Variants in RIF1 observed in about 807,000 individuals in gnomAD.
RIF1 encodes telomere-associated protein RIF1.
In RIF1, 45 loss-of-function variants were observed where a neutral mutation model predicts 247.1. The ratio of observed to expected loss-of-function variants is 0.18; its 90% CI spans 0.14 to 0.23. The LOEUF is 0.23. RIF1 is among the 10% of genes least tolerant of loss of function. The pLI is 1.00. For missense variants in RIF1, 2,967 were observed against 2,862.5 expected, an observed-to-expected ratio of 1.04 and a Z score of -0.83; for synonymous variants, 1,087 against 978.8, an observed-to-expected ratio of 1.11 and a Z score of -2.06.
the RIF1 span, chr2:151,518,347 G>C: frequency 1.2e-6 from 2 of 1,610,738 alleles, no homozygotes; most frequent in Non-Finnish European, 1.7e-6. Flanking sequence ...GCCTCTTTTA[G>C]GTGAAGCTGC....
chr2:151,434,366 TTAGATA>T lies in RIF1; in HGVS notation c.1078-1094_1078-1089del, dbSNP rs141680783. ...AGGATTTGCATATCCTTACTGGCAT[TTAGATA>T]TAAAGTTTAATCTTAACCTAAACCT... On this transcript the variant is annotated intron_variant, in intron 10 of 35. Coordinates refer to ENST00000444746, the MANE Select transcript of RIF1 (RefSeq NM_018151.5). Among the ~76,000 whole-genome samples the T allele has an allele frequency of 3.1e-3, 466 of 152,210 alleles. 2 individuals carry two copies. The highest frequency in any genetic ancestry group is 1.0e-2 in the African/African-American group (414 of 41,532).
rs781522067 is a variant in RIF1 at position 151,501,480 on chromosome 2, A to G, written c.*710-1554A>G. On this transcript the variant is annotated intron_variant and NMD_transcript_variant, in intron 11 of 13. Transcript: ENST00000454583. The stretch of plus-strand genomic sequence containing the variant: ...CCCTTGCTCAAGTTCTCTTTGTACA[A>G]TATCTGTGTGCACAAAACCAACAAA... 13 of 1,486,062 alleles carry G rather than the reference A, an allele frequency of 8.7e-6. No individual in the cohort carries two copies. The South Asian group carries it at 1.5e-4, about 17-fold the overall frequency. The allele number at this position is 1,486,062 out of a possible 1,614,324, so 92.1% of individuals were successfully genotyped here.
intron 9 of RIF1, among the ~76,000 whole-genome samples, chr2:151,430,276 C>G (rs1398262567): frequency 6.6e-6 from 1 of 152,070 alleles, no homozygotes; most frequent in Non-Finnish European, 1.5e-5. Flanking sequence ...CCGCCTCAGC[C>G]TCCCAAAGTG....
the RIF1 span, among the ~76,000 whole-genome samples, chr2:151,529,941 A>C: frequency 6.6e-6 from 1 of 152,178 alleles, no homozygotes; most frequent in Non-Finnish European, 1.5e-5. Flanking sequence ...ACATCTTGAT[A>C]ACTGCTGATG....
At chr2:151,439,526 T>G (rs185269608) in intron 14 of RIF1, among the ~76,000 whole-genome samples, 75 of 151,290 alleles carry the variant, frequency 5.0e-4, no homozygotes, top group Admixed American at 1.4e-3. Context: ...TAGCCAGACA[T>G]GGTGGTGCAT....
intron 18 of RIF1, among the ~76,000 whole-genome samples, chr2:151,444,615 C>T (rs577956949): frequency 4.6e-5 from 7 of 152,166 alleles, no homozygotes; most frequent in Non-Finnish European, 4.4e-5. Flanking sequence ...TTATAGTTAA[C>T]GTAGCCCTTG....
chr2:151,524,495 C>A, the RIF1 span: 2 of 1,613,506 alleles, frequency 1.2e-6, no homozygotes, highest in Non-Finnish European at 1.7e-6. Flanking sequence ...GGACTGGGGA[C>A]ATTTTCATGA....
chr2:151,410,606 A>T, intron 2 of RIF1, 79 bp downstream of exon 2: 1 of 1,142,710 alleles, frequency 8.8e-7, no homozygotes, highest in South Asian at 1.3e-5. Flanking sequence ...AGGGGCGCGT[A>T]GAATGAATGT....
At position 151,464,892 on chromosome 2, in the gene RIF1, A is replaced by G; in HGVS notation, c.5372A>G (p.His1791Arg). 1 of 1,586,288 alleles carries G rather than the reference A, an allele frequency of 6.3e-7. No individual in the cohort carries two copies. The highest frequency in any genetic ancestry group is 8.5e-7 in the Non-Finnish European group (1 of 1,171,358). ...TCTGAAGGACAATTTTTAGATGAACATCATAGTGTGAATTTTCATTTGGGT... is the reference window on the plus strand; with the variant it reads ...TCTGAAGGACAATTTTTAGATGAACGTCATAGTGTGAATTTTCATTTGGGT... ...PYSEGQFLDEHHSVNFHLGLK... is the reference protein window; with the variant it reads ...PYSEGQFLDERHSVNFHLGLK... Residue 1791 changes from histidine to arginine, a missense_variant, in exon 30 of 36, where the codon CAT (histidine) becomes CGT (arginine). Transcript: ENST00000444746.
chr2:151,501,317 T>A (rs1159231830), intron 11 of RIF1: 1 of 990,378 alleles, frequency 1.0e-6, no homozygotes, highest in Non-Finnish European at 1.5e-6. Context: ...TATAAAGGGA[T>A]GAACAGTGAG....
At chr2:151,533,059 A>G in the RIF1 span, among the ~76,000 whole-genome samples, 2 of 152,208 alleles carry the variant, frequency 1.3e-5, no homozygotes. Flanking sequence ...TGAACAAGAG[A>G]CACATTAGAT....
chr2:151,421,610 A>C (rs988497734), intron 7 of RIF1, among the ~76,000 whole-genome samples: 1 of 152,182 alleles, frequency 6.6e-6, no homozygotes, highest in African/African-American at 2.4e-5. Context: ...AGGTCTCACT[A>C]TATTACCCAA....
intron 12 of RIF1, among the ~76,000 whole-genome samples, chr2:151,504,553 T>G (rs574524843): frequency 7.2e-5 from 11 of 152,288 alleles, no homozygotes; most frequent in Admixed American, 7.2e-4. Flanking sequence ...ATCTAAATAA[T>G]ATGAACAACC....
At chr2:151,417,291 C>T (rs577213504) in intron 6 of RIF1, among the ~76,000 whole-genome samples, 1 of 152,316 alleles carries the variant, frequency 6.6e-6, no homozygotes, top group South Asian at 2.1e-4. Context: ...TTTGTTGTAA[C>T]AGGCATGCCA....
intron 8 of RIF1, among the ~76,000 whole-genome samples, chr2:151,424,009 C>A (rs565443915): frequency 7.2e-5 from 11 of 152,058 alleles, no homozygotes; most frequent in Non-Finnish European, 1.5e-4. Flanking sequence ...TGTTCTACTT[C>A]CTGTCTCTGA....
intron 24 of RIF1, 49 bp from the exon 25 acceptor site, chr2:151,458,762 C>A: frequency 1.9e-6 from 2 of 1,029,664 alleles, no homozygotes; most frequent in Non-Finnish European, 3.0e-6. Context: ...CATCAGTGTT[C>A]ACCAGTACTA....
At chr2:151,454,794 T>G in intron 21 of RIF1, 101 bp from the exon 22 acceptor site, 2 of 793,736 alleles carry the variant, frequency 2.5e-6, no homozygotes, top group Non-Finnish European at 1.9e-6. Flanking sequence ...ATGTATTTGA[T>G]GTATCTAACA....
chr2:151,446,833 T>TC (rs1693354301), intron 20 of RIF1, among the ~76,000 whole-genome samples: 1 of 152,332 alleles, frequency 6.6e-6, no homozygotes, highest in East Asian at 1.9e-4. Context: ...GATTAACACT[T>TC]CAAGGGCCTT....
chr2:151,440,092 G>A lies in RIF1; in HGVS notation c.1612G>A (p.Val538Ile), dbSNP rs878943718. 7 of 1,592,568 alleles carry A rather than the reference G, an allele frequency of 4.4e-6. No individual in the cohort carries two copies. The African/African-American group carries it at 8.1e-5, about 18-fold the overall frequency. Reference sequence around the variant, plus strand: ...CTTATTAAAGTCTTTGGAAAGCATAGTAAAGTCTGAAGTATTTCCTGTATC... The same window carrying A: ...CTTATTAAAGTCTTTGGAAAGCATAATAAAGTCTGAAGTATTTCCTGTATC... The part of the protein sequence containing the change: ...TLLLKSLESI[V>I]KSEVFPVSKT... The change falls in exon 15 of 36, where the codon GTA (valine) becomes ATA (isoleucine). Residue 538 changes from valine to isoleucine, a missense_variant. This residue lies in a region of RIF1 where 369 missense variants were observed against 322.0 expected (regional missense o/e 1.15). Coordinates refer to ENST00000444746, the MANE Select transcript of RIF1 (RefSeq NM_018151.5).
Sources: gnomAD v4.1 joint callset for allele counts (sites outside exome capture counted in the v4.1 genomes callset) on GRCh38, gnomAD v4.1.1 for gene constraint, gnomAD v4.1.1 regional missense constraint, MANE v1.5 for transcripts, NCBI Gene and HGNC (gene_info 2026-07-23, HGNC 2026-07-21) for gene names.